Variants in ADAMTSL1 observed in about 807,000 individuals in gnomAD.
ADAMTSL1 encodes ADAMTS-like protein 1.
In ADAMTSL1, 126 loss-of-function variants were observed where a neutral mutation model predicts 201.8. The observed-to-expected ratio is 0.62, with a 90% CI of 0.54 to 0.72. ADAMTSL1 has a LOEUF of 0.72. ADAMTSL1 is among the 30% of genes least tolerant of loss of function. The pLI is 0.00. For synonymous variants in ADAMTSL1, 1,121 were observed against 903.4 expected, an observed-to-expected ratio of 1.24 and a Z score of -4.32; for missense variants, 2,679 against 2,277.8, an observed-to-expected ratio of 1.18 and a Z score of -3.59.
At chr9:18,544,102 C>A (rs998992066) in intron 3 of ADAMTSL1, among the ~76,000 whole-genome samples, 1 of 152,126 alleles carries the variant, frequency 6.6e-6, no homozygotes, top group African/African-American at 2.4e-5. Flanking sequence ...CTTCTCGTAG[C>A]CTCAGTTTCC....
At chr9:18,659,504 C>G (rs1828925385) in intron 8 of ADAMTSL1, among the ~76,000 whole-genome samples, 2 of 152,212 alleles carry the variant, frequency 1.3e-5, no homozygotes, top group African/African-American at 4.8e-5. Flanking sequence ...GTGGCTCACG[C>G]CTGTAATCCC....
At chr9:18,173,807 T>TG in intron 2 of ADAMTSL1, among the ~76,000 whole-genome samples, 1 of 152,256 alleles carries the variant, frequency 6.6e-6, no homozygotes, top group African/African-American at 2.4e-5. Flanking sequence ...ATTACTCTTT[T>TG]GGGGGGCATT....
At chr9:18,714,363 A>G (rs1208072990) in intron 14 of ADAMTSL1, among the ~76,000 whole-genome samples, 3 of 152,164 alleles carry the variant, frequency 2.0e-5, no homozygotes, top group Non-Finnish European at 2.9e-5. Flanking sequence ...CAAGACTAAT[A>G]AAGAAAAAAA....
chr9:18,034,129 C>T (rs561480359), intron 1 of ADAMTSL1, among the ~76,000 whole-genome samples: 2 of 152,264 alleles, frequency 1.3e-5, no homozygotes, highest in Admixed American at 1.3e-4. Flanking sequence ...TTTTCTCTTT[C>T]CCACCTTAAA....
intron 1 of ADAMTSL1, among the ~76,000 whole-genome samples, chr9:18,004,283 C>A (rs1220171506): frequency 6.6e-6 from 1 of 151,834 alleles, no homozygotes; most frequent in Middle Eastern, 3.2e-3. Context: ...AGGAAGGAGA[C>A]CAGTGAAAGG....
chr9:18,899,168 G>A (rs1442964862), intron 26 of ADAMTSL1, among the ~76,000 whole-genome samples: 3 of 152,104 alleles, frequency 2.0e-5, no homozygotes, highest in Admixed American at 6.5e-5. Flanking sequence ...CAAGCAGAGA[G>A]CCAAATCATG....
intron 7 of ADAMTSL1, among the ~76,000 whole-genome samples, chr9:18,642,889 C>G (rs986523135): frequency 6.6e-6 from 1 of 152,072 alleles, no homozygotes; most frequent in East Asian, 1.9e-4. Context: ...GCAGTGAACA[C>G]GAGAGTGTAG....
chr9:18,584,860 C>T (rs899612274), intron 4 of ADAMTSL1, among the ~76,000 whole-genome samples: 16 of 152,176 alleles, frequency 1.1e-4, no homozygotes, highest in African/African-American at 2.9e-4. Flanking sequence ...CACCAAATGC[C>T]GGCACCTGGA....
intron 1 of ADAMTSL1, among the ~76,000 whole-genome samples, chr9:17,989,160 A>G (rs1350367184): frequency 6.6e-6 from 1 of 151,964 alleles, no homozygotes; most frequent in Non-Finnish European, 1.5e-5. Context: ...AAATCAGAGA[A>G]TGTAAATAGG....
intron 3 of ADAMTSL1, among the ~76,000 whole-genome samples, chr9:18,566,649 AAAGT>A (rs1821915915): frequency 6.6e-6 from 1 of 152,132 alleles, no homozygotes; most frequent in African/African-American, 2.4e-5. Flanking sequence ...CATGCATCCT[AAAGT>A]AAGAGTGTTC....
chr9:18,594,152 A>AT lies in ADAMTSL1; in HGVS notation c.474+19895dup, dbSNP rs947423738. ...TACAGGGTACAATCTTTTTGTTGAC[A>AT]TTTTTTTTTCCTTCAGCGTTCTGAG... On this transcript the variant is annotated intron_variant, in intron 4 of 28. Transcript: ENST00000380548. Among the ~76,000 whole-genome samples the AT allele has an allele frequency of 7.3e-3, 1,085 of 149,452 alleles. 12 individuals are homozygous for AT. The highest frequency in any genetic ancestry group is 0.025 in the African/African-American group (1,034 of 40,888).
intron 4 of ADAMTSL1, among the ~76,000 whole-genome samples, chr9:18,616,008 T>A (rs1467909261): frequency 6.6e-6 from 1 of 152,140 alleles, no homozygotes; most frequent in Non-Finnish European, 1.5e-5. Flanking sequence ...ACCTGGATGA[T>A]TTGTTTTGGC....
intron 7 of ADAMTSL1, among the ~76,000 whole-genome samples, chr9:18,649,575 G>A (rs2132897049): frequency 6.6e-6 from 1 of 152,214 alleles, no homozygotes; most frequent in African/African-American, 2.4e-5. Context: ...TGGTGTGGAT[G>A]TCCTTTCTGT....
chr9:18,848,724 A>G (rs753426080), intron 23 of ADAMTSL1, among the ~76,000 whole-genome samples: 30 of 152,202 alleles, frequency 2.0e-4, no homozygotes, highest in Non-Finnish European at 3.8e-4. Context: ...AAAGTGCCAG[A>G]TAGGAAATAG....
chr9:18,152,364 A>G (rs1444340846), intron 1 of ADAMTSL1, among the ~76,000 whole-genome samples: 2 of 152,094 alleles, frequency 1.3e-5, no homozygotes, highest in South Asian at 4.1e-4. Flanking sequence ...AAAGTTCAGT[A>G]TATGAATGCA....
At chr9:18,890,448 A>G (rs7026374) in intron 25 of ADAMTSL1, 309,610 of 453,276 alleles carry the variant, frequency 0.68, 107,491 homozygotes, top group African/African-American at 0.89. Context: ...GCACTGGTGC[A>G]GTGCTGAGAG....
chr9:18,246,139 T>C (rs925839234), intron 2 of ADAMTSL1, among the ~76,000 whole-genome samples: 5 of 152,300 alleles, frequency 3.3e-5, no homozygotes, highest in African/African-American at 1.2e-4. Flanking sequence ...TTAATAACCG[T>C]GTCATCCTCG....
At chr9:17,995,292 G>C (rs775290365) in intron 1 of ADAMTSL1, among the ~76,000 whole-genome samples, 1 of 152,094 alleles carries the variant, frequency 6.6e-6, no homozygotes, top group Admixed American at 6.6e-5. Flanking sequence ...CAATCAAGGC[G>C]TGGGGAATCA....
chr9:18,686,626 A>G (rs1339433103), intron 13 of ADAMTSL1, among the ~76,000 whole-genome samples: 2 of 152,254 alleles, frequency 1.3e-5, no homozygotes, highest in African/African-American at 4.8e-5. Flanking sequence ...TTTTACCTAA[A>G]TAAACTCTTT....
Sources: gnomAD v4.1 joint callset for allele counts (sites outside exome capture counted in the v4.1 genomes callset) on GRCh38, gnomAD v4.1.1 for gene constraint, MANE v1.5 for transcripts, NCBI Gene and HGNC (gene_info 2026-07-23, HGNC 2026-07-21) for gene names.